WASF3: variants seen among roughly 807,000 people sequenced by gnomAD.
WASF3 encodes the protein WASP family member 3.
In WASF3, 11 loss-of-function variants were observed where a neutral mutation model predicts 46.6. The observed-to-expected ratio is 0.24, with a 90% CI of 0.15 to 0.39. The LOEUF is 0.39. WASF3 is among the 10% of genes least tolerant of loss of function. WASF3 has a pLI of 1.00. For missense variants in WASF3, 576 were observed against 669.8 expected (o/e 0.86, Z 1.55); for synonymous variants, 242 against 259.7 (o/e 0.93, Z 0.65).
chr13:26,606,122 G>A (rs898288091), intron 1 of WASF3, among the ~76,000 whole-genome samples: 4 of 151,924 alleles, frequency 2.6e-5, no homozygotes, highest in East Asian at 1.9e-4. Context: ...TGAGGTAGAC[G>A]GCTCTTCCCA....
At chr13:26,653,944 G>A (rs1882392657) in intron 3 of WASF3, among the ~76,000 whole-genome samples, 1 of 152,176 alleles carries the variant, frequency 6.6e-6, no homozygotes, top group Admixed American at 6.5e-5. Context: ...GTCTTAGCAA[G>A]TGGAAGCTCT....
At chr13:26,600,013 G>A (rs1344881768) in intron 1 of WASF3, among the ~76,000 whole-genome samples, 1 of 152,156 alleles carries the variant, frequency 6.6e-6, no homozygotes, top group Non-Finnish European at 1.5e-5. Context: ...GTTAATTGGA[G>A]GTTAAAACAC....
chr13:26,577,290 C>G (rs1879828768), intron 1 of WASF3: 2 of 745,148 alleles, frequency 2.7e-6, no homozygotes, highest in Non-Finnish European at 4.9e-6. Context: ...CTTGCTTTGT[C>G]TGTTCTGTGT....
intron 9 of WASF3, 57 bp downstream of exon 9, chr13:26,683,031 T>G: frequency 6.4e-7 from 1 of 1,552,674 alleles, no homozygotes; most frequent in Non-Finnish European, 8.6e-7. Context: ...TCTTCATGTC[T>G]CCAGCCAGCT....
At chr13:26,539,142 G>A in the WASF3 span, among the ~76,000 whole-genome samples, 1 of 152,116 alleles carries the variant, frequency 6.6e-6, no homozygotes, top group Admixed American at 6.5e-5. Flanking sequence ...TCGCAGTCTG[G>A]GGATAGTGGC....
At chr13:26,643,754 CT>C (rs1882068297) in intron 3 of WASF3, among the ~76,000 whole-genome samples, 1 of 152,144 alleles carries the variant, frequency 6.6e-6, no homozygotes, top group Non-Finnish European at 1.5e-5. Flanking sequence ...AATAATCAAT[CT>C]GTATCTCATG....
chr13:26,568,622 T>C (rs1465967726), intron 1 of WASF3, among the ~76,000 whole-genome samples: 1 of 152,156 alleles, frequency 6.6e-6, no homozygotes, highest in Non-Finnish European at 1.5e-5. Flanking sequence ...TGGTGGCTTT[T>C]AGGTCACATG....
At chr13:26,627,503 C>T (rs1269604854) in intron 2 of WASF3, among the ~76,000 whole-genome samples, 1 of 152,028 alleles carries the variant, frequency 6.6e-6, no homozygotes, top group Non-Finnish European at 1.5e-5. Context: ...TATACCTAGT[C>T]AAAGTTTATA....
At chr13:26,554,107 CTTTCTTTCTTT>C (rs1879042389), upstream of WASF3, among the ~76,000 whole-genome samples, 1 of 118,532 alleles carries the variant, frequency 8.4e-6, no homozygotes, top group African/African-American at 3.4e-5. Context: ...TTCTTTCTTT[CTTTCTTTCTTT>C]CTTTCTTTCT....
At chr13:26,575,443 G>A (rs933557305) in intron 1 of WASF3, among the ~76,000 whole-genome samples, 2 of 152,138 alleles carry the variant, frequency 1.3e-5, no homozygotes, top group Non-Finnish European at 2.9e-5. Context: ...TTTAGATGGA[G>A]CTCAAGCCCG....
intron 9 of WASF3, among the ~76,000 whole-genome samples, chr13:26,685,247 A>G (rs1301593744): frequency 1.3e-5 from 2 of 152,232 alleles, no homozygotes; most frequent in African/African-American, 4.8e-5. Flanking sequence ...TGAGTAGCAT[A>G]GAACACTGTT....
intron 3 of WASF3, among the ~76,000 whole-genome samples, chr13:26,651,715 C>G (rs1882320956): frequency 6.6e-6 from 1 of 152,096 alleles, no homozygotes; most frequent in Admixed American, 6.5e-5. Flanking sequence ...AAAAGGTCAT[C>G]AATAATTAGG....
chr13:26,684,361 C>T (rs560888234), intron 9 of WASF3, among the ~76,000 whole-genome samples: 1 of 151,794 alleles, frequency 6.6e-6, no homozygotes, highest in Non-Finnish European at 1.5e-5. Context: ...TCTGATACAC[C>T]CAAATCGACA....
At chr13:26,559,996 T>A (rs911935775) in intron 1 of WASF3, among the ~76,000 whole-genome samples, 4 of 151,774 alleles carry the variant, frequency 2.6e-5, no homozygotes, top group Non-Finnish European at 2.9e-5. Flanking sequence ...TTTTGTACTT[T>A]TAGTAGAGAT....
intron 1 of WASF3, chr13:26,577,068 C>T: frequency 1.3e-6 from 1 of 752,380 alleles, no homozygotes; most frequent in Non-Finnish European, 2.4e-6. Flanking sequence ...CATCTGATGG[C>T]CTCAAGGGTC....
chr13:26,646,003 C>A (rs1398408772), intron 3 of WASF3, among the ~76,000 whole-genome samples: 2 of 152,170 alleles, frequency 1.3e-5, no homozygotes, highest in Non-Finnish European at 2.9e-5. Flanking sequence ...GTACAGGGGA[C>A]AGCAAATAAC....
At chr13:26,666,915 A>G (rs2137470344) in intron 4 of WASF3, among the ~76,000 whole-genome samples, 2 of 151,336 alleles carry the variant, frequency 1.3e-5, no homozygotes, top group Middle Eastern at 3.4e-3. Flanking sequence ...AATGAAATGT[A>G]AAGTGCTGTA....
intron 1 of WASF3, among the ~76,000 whole-genome samples, chr13:26,588,880 C>T (rs1185149188): frequency 6.6e-6 from 1 of 152,160 alleles, no homozygotes; most frequent in Non-Finnish European, 1.5e-5. Flanking sequence ...TCACTGCAGC[C>T]TTGACCTCCT....
chr13:26,642,194 G>A, intron 2 of WASF3, 67 bp from the exon 3 acceptor site: 1 of 1,436,510 alleles, frequency 7.0e-7, no homozygotes, highest in African/African-American at 1.4e-5. Flanking sequence ...ATTTTCAAGG[G>A]AATTAAAATT....
Sources: allele counts gnomAD v4.1 joint callset (sites outside exome capture counted in the v4.1 genomes callset), GRCh38; gene constraint gnomAD v4.1.1; transcripts MANE v1.5; gene names NCBI Gene and HGNC (gene_info 2026-07-23, HGNC 2026-07-21).